ZC2HC1A: variants seen among roughly 807,000 people sequenced by gnomAD.
ZC2HC1A encodes zinc finger C2HC-type containing 1A.
A neutral mutation model predicts 40.7 loss-of-function variants in ZC2HC1A; 28 were observed. The ratio of observed to expected loss-of-function variants is 0.69; its 90% CI spans 0.51 to 0.94. The LOEUF is 0.94. ZC2HC1A is among the 40% of genes least tolerant of loss of function. The pLI is 0.00. For missense variants in ZC2HC1A, 389 were observed against 386.3 expected, an observed-to-expected ratio of 1.01 and a Z score of -0.06; for synonymous variants, 129 against 129.2, an observed-to-expected ratio of 1.00 and a Z score of 0.01.
intron 1 of ZC2HC1A, among the ~76,000 whole-genome samples, chr8:78,669,117 T>C (rs1250984468): frequency 6.6e-6 from 1 of 152,180 alleles, no homozygotes; most frequent in Non-Finnish European, 1.5e-5. Context: ...AAATGTATAC[T>C]AGTTTACTGT....
chr8:78,676,019 T>G (rs1238677861), intron 2 of ZC2HC1A, 156 bp downstream of exon 2: 10 of 478,792 alleles, frequency 2.1e-5, no homozygotes, highest in Non-Finnish European at 2.8e-5. Flanking sequence ...GCTATGCCAT[T>G]CTTCCAGAAT....
rs1809555057 is a variant in ZC2HC1A at position 78,675,621 on chromosome 8, A to G, written c.17-166A>G. On this transcript the variant is annotated intron_variant, in intron 1 of 8. Transcript: ENST00000263849. The stretch of plus-strand genomic sequence containing the variant: ...TGACCTTTTTCACCACTGATAACTA[A>G]GTATTATGCTCCTTTTCATAGATAA... The G allele has an allele frequency of 1.2e-4, 70 of 582,950 alleles. 4 individuals carry two copies. In the South Asian group the frequency reaches 1.7e-3, roughly 14 times the overall value. 36.1% of individuals were successfully genotyped at this position (582,950 alleles called of 1,614,324 possible). A position where few individuals can be genotyped will look rare whatever the true frequency, so the allele number is the denominator to read the frequency against.
chr8:78,691,766 A>G (rs1187061075), intron 5 of ZC2HC1A, among the ~76,000 whole-genome samples: 1 of 152,086 alleles, frequency 6.6e-6, no homozygotes, highest in Admixed American at 6.6e-5. Flanking sequence ...TGACTTACCC[A>G]TATCTATGGA....
intron 7 of ZC2HC1A, among the ~76,000 whole-genome samples, chr8:78,711,222 C>T (rs1278756821): frequency 2.0e-5 from 3 of 152,094 alleles, no homozygotes. Context: ...TCAATTTTCC[C>T]TGCTTCCTAC....
At chr8:78,708,819 A>G (rs1172085124) in intron 7 of ZC2HC1A, among the ~76,000 whole-genome samples, 9 of 151,830 alleles carry the variant, frequency 5.9e-5, no homozygotes, top group Admixed American at 5.9e-4. Flanking sequence ...TAGCTGGGAC[A>G]GGTGTGTGCT....
intron 5 of ZC2HC1A, among the ~76,000 whole-genome samples, chr8:78,695,341 A>G (rs1474372795): frequency 6.6e-6 from 1 of 152,206 alleles, no homozygotes; most frequent in Admixed American, 6.5e-5. Flanking sequence ...TTAAGTTGTT[A>G]ATAATTCCTA....
At chr8:78,706,398 G>A (rs1810772155) in intron 7 of ZC2HC1A, among the ~76,000 whole-genome samples, 1 of 152,162 alleles carries the variant, frequency 6.6e-6, no homozygotes, top group Non-Finnish European at 1.5e-5. Flanking sequence ...TGCCGGAGCA[G>A]CTGCTCTGCC....
chr8:78,702,048 G>A (rs541549842), intron 7 of ZC2HC1A, among the ~76,000 whole-genome samples: 1 of 152,202 alleles, frequency 6.6e-6, no homozygotes, highest in South Asian at 2.1e-4. Context: ...AGTAGGAATT[G>A]TACCAGTTCT....
chr8:78,709,192 A>G (rs1810878329), intron 7 of ZC2HC1A, among the ~76,000 whole-genome samples: 2 of 152,204 alleles, frequency 1.3e-5, no homozygotes, highest in South Asian at 4.1e-4. Flanking sequence ...TTTGGAGAGC[A>G]ACTGTAATAC....
chr8:78,673,347 G>C (rs1304964872), intron 1 of ZC2HC1A, among the ~76,000 whole-genome samples: 1 of 152,146 alleles, frequency 6.6e-6, no homozygotes, highest in Admixed American at 6.6e-5. Context: ...CTAAGTCTTT[G>C]CTATTGTAAA....
At position 78,697,257 on chromosome 8, in the gene ZC2HC1A, G is replaced by T. The variant is rs554411843; in HGVS notation, c.505-150G>T. The stretch of plus-strand genomic sequence containing the variant: ...ACAAGTGTTTTAATACATTAATGAT[G>T]TGCAACCATCATCACCATTCATTTC... On this transcript the variant is annotated intron_variant, in intron 5 of 8. Transcript: ENST00000263849. The T allele has an allele frequency of 6.6e-5, 40 of 608,410 alleles. No homozygotes were observed. The South Asian group carries it at 9.0e-4, about 14-fold the overall frequency. 37.7% of individuals were successfully genotyped at this position (608,410 alleles called of 1,614,324 possible). A position where few individuals can be genotyped will look rare whatever the true frequency, so the allele number is the denominator to read the frequency against.
chr8:78,705,604 C>T lies in ZC2HC1A; in HGVS notation c.704+7091C>T, dbSNP rs116863333. ...GCAGTCTGGCCACATTTTTATGGGA[C>T]CACTGTGGTGTGCTGTTGTACCACT... On this transcript the variant is annotated intron_variant, in intron 7 of 8. Transcript: ENST00000263849. Among the ~76,000 whole-genome samples, 45 of 152,082 alleles carry T rather than the reference C, an allele frequency of 3.0e-4. No homozygotes were observed. The East Asian group carries it at 8.0e-3, about 27-fold the overall frequency.
chr8:78,674,001 T>C (rs1271030486), intron 1 of ZC2HC1A, among the ~76,000 whole-genome samples: 1 of 152,168 alleles, frequency 6.6e-6, no homozygotes, highest in Admixed American at 6.5e-5. Context: ...CTTGTGGAAA[T>C]TAATGTCAAG....
At chr8:78,708,436 G>C (rs1180890751) in intron 7 of ZC2HC1A, among the ~76,000 whole-genome samples, 7 of 152,036 alleles carry the variant, frequency 4.6e-5, no homozygotes, top group Non-Finnish European at 8.8e-5. Context: ...CCAACACTTT[G>C]GGAGAGTGAG....
chr8:78,667,167 A>C (rs547860374), intron 1 of ZC2HC1A, among the ~76,000 whole-genome samples: 2 of 152,336 alleles, frequency 1.3e-5, no homozygotes, highest in East Asian at 3.9e-4. Context: ...GATGAAGTGC[A>C]AAGTGGTAGC....
intron 4 of ZC2HC1A, among the ~76,000 whole-genome samples, chr8:78,688,038 A>G (rs1310592158): frequency 6.7e-6 from 1 of 149,656 alleles, no homozygotes; most frequent in African/African-American, 2.4e-5. Context: ...AACTTCATTT[A>G]CAAAGACAGG....
In ZC2HC1A at chr8:78,666,101, TGGCG is replaced by T; in HGVS notation, c.-43_-40del. ...GGTTGCTACAGCCAGAGCTGGGCGG[TGGCG>T]GGCGCTGCTGAAGGAGTCTCGCTGA... On this transcript the variant is annotated 5_prime_UTR_variant, in exon 1 of 9. Transcript: ENST00000263849. The T allele has an allele frequency of 6.4e-7, 1 of 1,555,534 alleles. No individual in the cohort carries two copies. The highest frequency in any genetic ancestry group is 1.7e-4 in the Middle Eastern group (1 of 5,810).
At chr8:78,684,358 C>T (rs1391403667) in intron 3 of ZC2HC1A, among the ~76,000 whole-genome samples, 1 of 152,164 alleles carries the variant, frequency 6.6e-6, no homozygotes, top group East Asian at 1.9e-4. Flanking sequence ...CAGGCAAGAG[C>T]GTGTGTGCAG....
chr8:78,695,907 G>A (rs1417816485), intron 5 of ZC2HC1A, among the ~76,000 whole-genome samples: 1 of 152,110 alleles, frequency 6.6e-6, no homozygotes, highest in Non-Finnish European at 1.5e-5. Flanking sequence ...AGAGTTAGAA[G>A]GATATAATGT....
Sources: gnomAD v4.1 joint callset for allele counts (sites outside exome capture counted in the v4.1 genomes callset) on GRCh38, gnomAD v4.1.1 for gene constraint, MANE v1.5 for transcripts, NCBI Gene and HGNC (gene_info 2026-07-23, HGNC 2026-07-21) for gene names.